The following ELANE variants were observed in gnomAD, a reference collection of about 807,000 sequenced individuals.
ELANE encodes the protein neutrophil elastase.
ELANE carries 12 observed loss-of-function variants against 20.6 expected under a neutral mutation model. The ratio of observed to expected loss-of-function variants is 0.58; its 90% confidence interval spans 0.37 to 0.94. The LOEUF (loss-of-function observed/expected upper bound fraction) is 0.94, where lower values mean the gene tolerates loss of function less well. Ranked by LOEUF, ELANE falls within the 40% of genes least tolerant of loss-of-function variation. The pLI is 0.01. For missense variants in ELANE, 388 were observed against 395.2 expected (o/e 0.98, Z 0.15); for synonymous variants, 203 against 177.4 (o/e 1.14, Z -1.15).
rs17216663 is a variant in ELANE, at chr19:856,130, C to T, written c.770C>T (p.Pro257Leu). The change falls in exon 5 of 5, where the codon CCC (proline) becomes CTC (leucine). Residue 257 changes from proline (P) to leucine (L), a missense_variant. By Grantham distance (98) the Pro-to-Leu change is moderately conservative. This residue lies in a region of ELANE where 321 missense variants were observed against 309.8 expected (regional missense o/e 1.04). Coordinates refer to ENST00000263621, the MANE Select transcript of ELANE (RefSeq NM_001972.4). ...QRSEDNPCPHPRDPDPASRTH is the reference protein window; with the variant it reads ...QRSEDNPCPHLRDPDPASRTH Reference sequence around the variant, plus strand: ...TCCGAGGACAACCCCTGTCCCCACCCCCGGGACCCGGACCCGGCCAGCAGG... The same window carrying T: ...TCCGAGGACAACCCCTGTCCCCACCTCCGGGACCCGGACCCGGCCAGCAGG... The T allele has an allele frequency of 7.4e-3, 11,985 of 1,613,032 alleles. 63 individuals carry two copies. The highest frequency in any genetic ancestry group is 0.011 in the Middle Eastern group (65 of 6,062).
In ELANE at chr19:853,360, GC is replaced by G; in HGVS notation, c.324del (p.Tyr109ThrfsTer4). 6.2e-7 allele frequency: 1 copy of G among 1,611,618 alleles called. No individual in the cohort carries two copies. Among genetic ancestry groups the G allele is most frequent in the Non-Finnish European group, 8.5e-7 (1 of 1,179,226 alleles). On this transcript the variant is annotated frameshift_variant, in exon 3 of 5. Coordinates refer to ENST00000263621, the MANE Select transcript of ELANE (RefSeq NM_001972.4). LOFTEE classifies it high-confidence loss of function. ...VFAVQRIFEN[G>X]YDPVNLLNDI... ...GCCGTGCAGCGCATCTTCGAAAACGGCTACGACCCCGTAAACTTGCTCAACG... is the reference window on the plus strand; with the variant it reads ...GCCGTGCAGCGCATCTTCGAAAACGGTACGACCCCGTAAACTTGCTCAACG...
chr19:852,466 C>T, intron 1 of ELANE, 71 bp downstream of exon 1: 1 of 1,534,234 alleles, frequency 6.5e-7, no homozygotes, highest in Non-Finnish European at 8.8e-7. Flanking sequence ...CCATAGAGGG[C>T]CCCACCAGTG....
Position 855,744 on chromosome 19 carries a change from C to G in ELANE, c.547C>G (p.Arg183Gly). Residue 183 changes from arginine (R) to glycine (G), a missense_variant, in exon 4 of 5, where the codon CGC becomes GGC. Arg to Gly is a moderately radical substitution (Grantham distance 125). This residue lies in a region of ELANE where 321 missense variants were observed against 309.8 expected (regional missense o/e 1.04). Coordinates refer to ENST00000263621, the MANE Select transcript of ELANE (RefSeq NM_001972.4). The surrounding 1 kb of genome is among the most constrained non-coding windows in gnomAD (Gnocchi z 6.2). The part of the protein sequence containing the change: ...NVTVVTSLCR[R>G]SNVCTLVRGR... ...GACGGTGGTGACGTCCCTCTGCCGT[C>G]GCAGCAACGTCTGCACTCTCGTGAG... is the stretch of plus-strand genomic sequence containing the variant. 1 of 1,609,616 alleles carries G rather than the reference C, an allele frequency of 6.2e-7. No individual in the cohort carries two copies. The highest frequency in any genetic ancestry group is 8.5e-7 in the Non-Finnish European group (1 of 1,179,944).
At chr19:853,176 G>T (rs1197048364) in intron 2 of ELANE, 86 bp from the exon 3 acceptor site, 6 of 1,495,628 alleles carry the variant, frequency 4.0e-6, no homozygotes, top group Non-Finnish European at 5.3e-6. Flanking sequence ...TCGCCCTCAG[G>T]CCCGTCGCCG....
At chr19:853,100 AGGCCGG>A (rs1201347453) in intron 2 of ELANE, 68 bp downstream of exon 2, 2 of 907,224 alleles carry the variant, frequency 2.2e-6, no homozygotes, top group African/African-American at 1.9e-5. Context: ...GGGTGGGGGG[AGGCCGG>A]GGCCGGGGCT....
At chr19:852,768 C>T in intron 1 of ELANE, 108 bp from the exon 2 acceptor site, 1 of 1,456,772 alleles carries the variant, frequency 6.9e-7, no homozygotes, top group Admixed American at 2.3e-5. Flanking sequence ...CCGTGGGTTC[C>T]CGGTGGGGGA....
At position 856,066 on chromosome 19, in the gene ELANE, G is replaced by A; in HGVS notation, c.706G>A (p.Ala236Thr). The change falls in exon 5 of 5, where the codon GCA becomes ACA. Residue 236 changes from alanine to threonine, a missense_variant. Around this residue, in one of 3 missense-constraint regions of ELANE, gnomAD observed 321 missense variants for 309.8 expected, o/e 1.04. Transcript: ENST00000263621. ...CTACCCCGATGCCTTTGCCCCGGTG[G>A]CACAGTTTGTAAACTGGATCGACTC... ...GLYPDAFAPV[A>T]QFVNWIDSII... is the part of the protein sequence containing the mutation. The A allele has an allele frequency of 6.2e-7, 1 of 1,613,496 alleles. No individual in the cohort carries two copies. The highest frequency in any genetic ancestry group is 8.5e-7 in the Non-Finnish European group (1 of 1,180,046).
intron 1 of ELANE, 142 bp from the exon 2 acceptor site, chr19:852,734 C>G: frequency 8.0e-7 from 1 of 1,255,360 alleles, no homozygotes; most frequent in Non-Finnish European, 1.1e-6. Context: ...CGGCCCCGAT[C>G]CCGTGGGTTC....
intron 3 of ELANE, among the ~76,000 whole-genome samples, chr19:854,223 C>T (rs1053618674): frequency 3.9e-5 from 6 of 151,958 alleles, no homozygotes; most frequent in Non-Finnish European, 5.9e-5. Context: ...GCGGGTGGAT[C>T]ACGAGGTCAG....
In ELANE at chr19:852,958, C is replaced by A; in HGVS notation, c.150C>A (p.Arg50=). Residue 50 remains arginine, a synonymous_variant, in exon 2 of 5, where the codon CGC becomes CGA. Coordinates refer to ENST00000263621, the MANE Select transcript of ELANE (RefSeq NM_001972.4). ...AWPFMVSLQL[R]GGHFCGATLI... is the part of the protein sequence containing the mutation. ...CCTTCATGGTGTCCCTGCAGCTGCG[C>A]GGAGGCCACTTCTGCGGCGCCACCC... 1 of 1,592,888 alleles carries A rather than the reference C, an allele frequency of 6.3e-7. No individual in the cohort carries two copies. Among genetic ancestry groups the A allele is most frequent in the Non-Finnish European group, 8.5e-7 (1 of 1,175,870 alleles).
chr19:852,670 G>A (rs1312546748), intron 1 of ELANE, among the ~76,000 whole-genome samples: 1 of 151,984 alleles, frequency 6.6e-6, no homozygotes, highest in African/African-American at 2.4e-5. Flanking sequence ...CCGTGGGGAG[G>A]TCCCTTTGCC....
rs751186012 is a variant in ELANE at position 852,364 on chromosome 19, C to T, written c.36C>T (p.Leu12=). ...GCCGCCGACTCGCGTGTCTTTTCCT[C>T]GCCTGTGTCCTGCCGGCCTTGCTGC... ...TLGRRLACLF[L]ACVLPALLLG... The change falls in exon 1 of 5, where the codon CTC becomes CTT. Residue 12 remains leucine (L), a synonymous_variant. Coordinates refer to ENST00000263621, the MANE Select transcript of ELANE (RefSeq NM_001972.4). 1.2e-6 allele frequency: 2 copies of T among 1,611,462 alleles called. No homozygotes were observed. Among genetic ancestry groups the T allele is most frequent in the South Asian group, 1.1e-5 (1 of 91,050 alleles).
chr19:853,388 C>G lies in ELANE; in HGVS notation c.351C>G (p.Asp117Glu), dbSNP rs1166515469. The change falls in exon 3 of 5, where the codon GAC becomes GAG. Residue 117 changes from aspartate (D) to glutamate (E), a missense_variant. Physicochemically the swap from Asp to Glu is conservative, Grantham distance 45. Coordinates refer to ENST00000263621, the MANE Select transcript of ELANE (RefSeq NM_001972.4). The part of the protein sequence containing the change: ...NGYDPVNLLN[D>E]IVILQLNGSA... Reference sequence around the variant, plus strand: ...ACGACCCCGTAAACTTGCTCAACGACATCGTGATTCTCCAGGTGCCGCCGG... The same window carrying G: ...ACGACCCCGTAAACTTGCTCAACGAGATCGTGATTCTCCAGGTGCCGCCGG... 1 of 1,609,624 alleles carries G rather than the reference C, an allele frequency of 6.2e-7. No homozygotes were observed. The highest frequency in any genetic ancestry group is 8.5e-7 in the Non-Finnish European group (1 of 1,178,276).
At position 856,055 on chromosome 19, in the gene ELANE, T is replaced by C; in HGVS notation, c.695T>C (p.Phe232Ser). 6.2e-7 allele frequency: 1 copy of C among 1,613,528 alleles called. No individual in the cohort carries two copies. Among genetic ancestry groups the C allele is most frequent in the Middle Eastern group, 1.6e-4 (1 of 6,062 alleles). ...GCCTCAGGGCTCTACCCCGATGCCT[T>C]TGCCCCGGTGGCACAGTTTGTAAAC... ...GCASGLYPDA[F>S]APVAQFVNWI... The change falls in exon 5 of 5, where the codon TTT becomes TCT. Residue 232 changes from phenylalanine to serine, a missense_variant. Coordinates refer to ENST00000263621, the MANE Select transcript of ELANE (RefSeq NM_001972.4).
In ELANE at chr19:856,173, G is replaced by A. The variant is rs375190543; in HGVS notation, c.*9G>A. ...CCAGCAGGACCCACTGAGAAGGGCT[G>A]CCCGGGTCACCTCAGCTGCCCACAC... is the stretch of plus-strand genomic sequence containing the variant. On this transcript the variant is annotated 3_prime_UTR_variant, in exon 5 of 5. Transcript: ENST00000263621. The A allele has an allele frequency of 3.1e-6, 5 of 1,612,652 alleles. No individual in the cohort carries two copies. In the African/African-American group the frequency reaches 6.7e-5, roughly 22 times the overall value.
intron 2 of ELANE, 66 bp downstream of exon 2, chr19:853,098 G>C: frequency 6.6e-7 from 1 of 1,516,554 alleles, no homozygotes; most frequent in South Asian, 1.2e-5. Flanking sequence ...GTGGGTGGGG[G>C]GAGGCCGGGG....
chr19:853,131 G>A (rs999931514), intron 2 of ELANE, 99 bp downstream of exon 2: 24 of 1,447,056 alleles, frequency 1.7e-5, no homozygotes, highest in Admixed American at 1.6e-4. Context: ...GCGGGGGGGG[G>A]TCCGTCCAGG....
In ELANE at chr19:852,355, T is replaced by C. The variant is rs1402628228; in HGVS notation, c.27T>C (p.Cys9=). 6.2e-7 allele frequency: 1 copy of C among 1,611,282 alleles called. No individual in the cohort carries two copies. The change falls in exon 1 of 5, where the codon TGT becomes TGC. Residue 9 remains cysteine (C), a synonymous_variant. Coordinates refer to ENST00000263621, the MANE Select transcript of ELANE (RefSeq NM_001972.4). Reference sequence around the variant, plus strand: ...TGACCCTCGGCCGCCGACTCGCGTGTCTTTTCCTCGCCTGTGTCCTGCCGG... The same window carrying C: ...TGACCCTCGGCCGCCGACTCGCGTGCCTTTTCCTCGCCTGTGTCCTGCCGG... MTLGRRLA[C]LFLACVLPAL...
intron 3 of ELANE, 50 bp downstream of exon 3, chr19:853,453 G>A (rs1183715479): frequency 6.5e-7 from 1 of 1,546,738 alleles, no homozygotes; most frequent in African/African-American, 1.4e-5. Flanking sequence ...AGAGGCCTGG[G>A]GAGGGTGGAG....
Sources: gnomAD v4.1 joint callset for allele counts (sites outside exome capture counted in the v4.1 genomes callset) on GRCh38, gnomAD v4.1.1 for gene constraint, gnomAD v4.1.1 regional missense constraint, Gnocchi (gnomAD v3.1) non-coding constraint, MANE v1.5 for transcripts, NCBI Gene and HGNC (gene_info 2026-07-23, HGNC 2026-07-21) for gene names.